Variants in GUCY1A2 observed in about 807,000 individuals in gnomAD.
GUCY1A2 encodes guanylate cyclase 1 soluble subunit alpha 2.
Under a neutral mutation model 63.5 loss-of-function variants are expected in GUCY1A2, and 27 were observed. The ratio of observed to expected loss-of-function variants is 0.43; its 90% confidence interval spans 0.31 to 0.59. The LOEUF (loss-of-function observed/expected upper bound fraction) is 0.59, where lower values mean the gene tolerates loss of function less well. Among genes scored for constraint, GUCY1A2 ranks in the 20% least tolerant of loss-of-function variants. The probability of loss-of-function intolerance (pLI) is 0.11; values close to 1 mark genes in which losing one functional copy is unlikely to be tolerated. For synonymous variants in GUCY1A2, 364 were observed against 343.5 expected (o/e 1.06, Z -0.66); for missense variants, 768 against 913.3 (o/e 0.84, Z 2.05).
At chr11:106,980,516 C>T (rs1041482084) in intron 2 of GUCY1A2, among the ~76,000 whole-genome samples, 3 of 152,120 alleles carry the variant, frequency 2.0e-5, no homozygotes, top group East Asian at 3.9e-4. Flanking sequence ...GGAGTGAAAA[C>T]CCACATCATA....
At chr11:106,999,082 AC>A (rs746438979) in intron 1 of GUCY1A2, among the ~76,000 whole-genome samples, 4 of 151,890 alleles carry the variant, frequency 2.6e-5, no homozygotes, top group Non-Finnish European at 4.4e-5. Context: ...CCCACCCACA[AC>A]CCCATGTTCC....
chr11:106,844,762 G>A (rs924767995), intron 4 of GUCY1A2, among the ~76,000 whole-genome samples: 1 of 151,476 alleles, frequency 6.6e-6, no homozygotes, highest in Non-Finnish European at 1.5e-5. Flanking sequence ...GCCATGGATG[G>A]GCCTGTCTAA....
chr11:106,922,134 G>A (rs769867438), intron 4 of GUCY1A2, among the ~76,000 whole-genome samples: 1 of 152,090 alleles, frequency 6.6e-6, no homozygotes, highest in Non-Finnish European at 1.5e-5. Flanking sequence ...AGCAGACGAG[G>A]GTGCTAGCAC....
chr11:106,805,776 G>A (rs1468731505), intron 5 of GUCY1A2, among the ~76,000 whole-genome samples: 1 of 152,054 alleles, frequency 6.6e-6, no homozygotes, highest in African/African-American at 2.4e-5. Flanking sequence ...CTACTTTACA[G>A]AATCAATAAC....
chr11:106,968,859 C>T (rs1054636599), intron 3 of GUCY1A2, among the ~76,000 whole-genome samples: 2 of 152,234 alleles, frequency 1.3e-5, no homozygotes, highest in African/African-American at 4.8e-5. Context: ...AGGAAAAAAC[C>T]ACAACAGACC....
At position 106,679,118 on chromosome 11, in the gene GUCY1A2, C is replaced by T. The variant is rs1330474434; in HGVS notation, c.*8431G>A. On this transcript the variant is annotated 3_prime_UTR_variant, in exon 8 of 8. Transcript: ENST00000526355. ...GGACAATAAATCTTTGTCTTAAATTCTTTTTCTAACTGATAATTTTGATTA... is the reference window on the plus strand; with the variant it reads ...GGACAATAAATCTTTGTCTTAAATTTTTTTTCTAACTGATAATTTTGATTA... The T allele has an allele frequency of 1.1e-5, 2 of 184,412 alleles. No individual in the cohort carries two copies. Among genetic ancestry groups the T allele is most frequent in the Non-Finnish European group, 2.3e-5 (2 of 86,954 alleles). 11.4% of individuals were successfully genotyped at this position (184,412 alleles called of 1,614,324 possible). A position where few individuals can be genotyped will look rare whatever the true frequency, so the allele number is the denominator to read the frequency against.
chr11:106,691,628 A>G (rs770357482), intron 7 of GUCY1A2, among the ~76,000 whole-genome samples: 2 of 152,194 alleles, frequency 1.3e-5, no homozygotes, highest in Non-Finnish European at 2.9e-5. Flanking sequence ...CTTTTAAATA[A>G]TTCACTGCAC....
chr11:106,918,118 C>T (rs1386495451), intron 4 of GUCY1A2, among the ~76,000 whole-genome samples: 1 of 144,104 alleles, frequency 6.9e-6, no homozygotes, highest in Admixed American at 6.9e-5. Flanking sequence ...GGGTATAACG[C>T]CCCTGTTTGC....
intron 4 of GUCY1A2, among the ~76,000 whole-genome samples, chr11:106,820,919 C>T (rs1858893403): frequency 6.6e-6 from 1 of 152,008 alleles, no homozygotes; most frequent in Non-Finnish European, 1.5e-5. Context: ...AAAATATAGC[C>T]TTTTAGACAA....
At chr11:106,959,174 A>C (rs1188167524) in intron 3 of GUCY1A2, among the ~76,000 whole-genome samples, 1 of 152,190 alleles carries the variant, frequency 6.6e-6, no homozygotes, top group Non-Finnish European at 1.5e-5. Context: ...ATATTCCACA[A>C]ATAAAACACA....
At chr11:106,972,799 T>C (rs916464963) in intron 3 of GUCY1A2, among the ~76,000 whole-genome samples, 7 of 152,016 alleles carry the variant, frequency 4.6e-5, no homozygotes, top group African/African-American at 1.4e-4. Flanking sequence ...CTGTGGTACA[T>C]GTTAAATGGA....
chr11:106,811,918 A>G (rs1019950378), intron 4 of GUCY1A2, among the ~76,000 whole-genome samples: 8 of 152,030 alleles, frequency 5.3e-5, no homozygotes, highest in South Asian at 2.1e-4. Context: ...AACCAAATCT[A>G]TATCGGCCAG....
At chr11:106,721,535 CTAATCT>C (rs1863316691) in intron 6 of GUCY1A2, among the ~76,000 whole-genome samples, 2 of 152,178 alleles carry the variant, frequency 1.3e-5, no homozygotes, top group Admixed American at 1.3e-4. Context: ...ACCCCATACT[CTAATCT>C]TCTGTGTATT....
intron 4 of GUCY1A2, among the ~76,000 whole-genome samples, chr11:106,901,023 T>C (rs1860125598): frequency 6.6e-6 from 1 of 152,204 alleles, no homozygotes; most frequent in Admixed American, 6.5e-5. Flanking sequence ...AAGATTTCTC[T>C]CTAACATGCA....
intron 1 of GUCY1A2, among the ~76,000 whole-genome samples, chr11:107,003,398 C>T (rs1191899857): frequency 6.6e-6 from 1 of 152,160 alleles, no homozygotes; most frequent in Non-Finnish European, 1.5e-5. Flanking sequence ...CAAAAAAATC[C>T]TGTCACCTAT....
chr11:106,973,482 A>G (rs1467225644), intron 3 of GUCY1A2, among the ~76,000 whole-genome samples: 1 of 152,144 alleles, frequency 6.6e-6, no homozygotes, highest in Non-Finnish European at 1.5e-5. Flanking sequence ...TACTGACAAG[A>G]AGTTTGTCTC....
chr11:106,938,341 A>G (rs1377106353), intron 4 of GUCY1A2, among the ~76,000 whole-genome samples: 1 of 152,186 alleles, frequency 6.6e-6, no homozygotes, highest in Non-Finnish European at 1.5e-5. Flanking sequence ...ATCCTCAAAA[A>G]CAAGTTAAGC....
chr11:106,852,936 T>C (rs962350769), intron 4 of GUCY1A2, among the ~76,000 whole-genome samples: 5 of 152,188 alleles, frequency 3.3e-5, no homozygotes, highest in Admixed American at 6.5e-5. Context: ...TGGCTGGCAG[T>C]ATTTTCCTTT....
chr11:106,741,983 A>T (rs988754870), intron 6 of GUCY1A2, among the ~76,000 whole-genome samples: 4 of 152,196 alleles, frequency 2.6e-5, no homozygotes, highest in Non-Finnish European at 5.9e-5. Flanking sequence ...AAGGCTGTTC[A>T]TTTTTGTTCT....
Sources: allele counts gnomAD v4.1 joint callset (sites outside exome capture counted in the v4.1 genomes callset), GRCh38; gene constraint gnomAD v4.1.1; transcripts MANE v1.5; gene names NCBI Gene and HGNC (gene_info 2026-07-23, HGNC 2026-07-21).